Variants in CAPN13 observed in about 807,000 individuals in gnomAD.
CAPN13 encodes the protein calpain-13.
A neutral mutation model predicts 98.4 loss-of-function variants in CAPN13; 90 were observed. That is an observed-to-expected ratio of 0.92 (90% confidence interval 0.77 to 1.09). CAPN13 has a LOEUF of 1.09. Ranked by LOEUF, CAPN13 falls within the 50% of genes least tolerant of loss-of-function variation. CAPN13 has a pLI of 0.00. For missense variants in CAPN13, 887 were observed against 841.3 expected, an observed-to-expected ratio of 1.05 and a Z score of -0.67; for synonymous variants, 330 against 305.5, an observed-to-expected ratio of 1.08 and a Z score of -0.84.
At chr2:30,770,542 C>T (rs1401596867) in intron 4 of CAPN13, 93 bp from the exon 5 acceptor site, 1 of 1,451,658 alleles carries the variant, frequency 6.9e-7, no homozygotes, top group Non-Finnish European at 9.4e-7. Flanking sequence ...AACATGACCT[C>T]TACAATGCAA....
chr2:30,743,273 G>T, intron 13 of CAPN13, 110 bp downstream of exon 13: 2 of 984,410 alleles, frequency 2.0e-6, no homozygotes, highest in Non-Finnish European at 3.2e-6. Flanking sequence ...CATGTCCCCA[G>T]TGACATAGCA....
At chr2:30,727,616 T>C (rs1363894091) in intron 22 of CAPN13, among the ~76,000 whole-genome samples, 1 of 152,152 alleles carries the variant, frequency 6.6e-6, no homozygotes, top group African/African-American at 2.4e-5. Flanking sequence ...GAGATATCAC[T>C]TCACACTCCC....
At chr2:30,786,449 C>T (rs1012709199) in intron 2 of CAPN13, among the ~76,000 whole-genome samples, 3 of 152,044 alleles carry the variant, frequency 2.0e-5, no homozygotes, top group African/African-American at 7.3e-5. Flanking sequence ...ACTTGTCATG[C>T]CCTAAAATTA....
chr2:30,781,591 C>A (rs1471316867), intron 2 of CAPN13, among the ~76,000 whole-genome samples: 1 of 152,162 alleles, frequency 6.6e-6, no homozygotes, highest in Non-Finnish European at 1.5e-5. Flanking sequence ...CCTTTCTCTG[C>A]CTGACTCCTT....
chr2:30,800,132 G>GAAAAGAAAGAAAAGAAAGA (rs1279341369), intron 1 of CAPN13, among the ~76,000 whole-genome samples: 31 of 138,764 alleles, frequency 2.2e-4, no homozygotes, highest in African/African-American at 7.4e-4. Context: ...AAGAAAGAAA[G>GAAAAGAAAGAAAAGAAAGA]AAAGAAAGAA....
At chr2:30,731,153 T>G (rs960821778) in intron 21 of CAPN13, among the ~76,000 whole-genome samples, 191 bp downstream of exon 21, 16 of 152,122 alleles carry the variant, frequency 1.1e-4, no homozygotes, top group African/African-American at 3.9e-4. Flanking sequence ...AAAAATAAAA[T>G]CTGTCTGCCA....
chr2:30,788,809 C>T (rs557332888), intron 1 of CAPN13, among the ~76,000 whole-genome samples: 1 of 151,662 alleles, frequency 6.6e-6, no homozygotes, highest in East Asian at 1.9e-4. Flanking sequence ...AATTCATAGA[C>T]AGAATATCAC....
chr2:30,745,277 T>G (rs1305741174), intron 12 of CAPN13: 1 of 474,402 alleles, frequency 2.1e-6, no homozygotes. Context: ...TTTAGGAGGG[T>G]GGCAGTTTCT....
chr2:30,745,059 G>C (rs921301457), intron 12 of CAPN13, among the ~76,000 whole-genome samples: 1 of 152,106 alleles, frequency 6.6e-6, no homozygotes, highest in Non-Finnish European at 1.5e-5. Context: ...ATCACTCTTT[G>C]TTGTCTGTGG....
chr2:30,743,766 T>C (rs912788212), intron 12 of CAPN13, 187 bp from the exon 13 acceptor site: 3 of 699,588 alleles, frequency 4.3e-6, no homozygotes, highest in Non-Finnish European at 7.8e-6. Context: ...TCATTTCATC[T>C]AGACCCTGGA....
At chr2:30,759,443 A>C (rs1672709861) in intron 7 of CAPN13, among the ~76,000 whole-genome samples, 1 of 152,214 alleles carries the variant, frequency 6.6e-6, no homozygotes, top group African/African-American at 2.4e-5. Flanking sequence ...AGAGGAATTA[A>C]AATATGACTG....
In CAPN13 at chr2:30,775,850, C is replaced by T. The variant is rs932876991; in HGVS notation, c.387+80G>A. On this transcript the variant is annotated intron_variant, in intron 4 of 22. Transcript: ENST00000295055. ...ACTTTCATCTCAGGCTTCCCGGCCA[C>T]GAGAAAACTTAAGACTTTCACCTTC... The T allele has an allele frequency of 3.7e-5, 35 of 950,514 alleles. No homozygotes were observed. In the South Asian group the frequency reaches 4.5e-4, roughly 12 times the overall value. 58.9% of individuals were successfully genotyped at this position (950,514 alleles called of 1,614,324 possible).
chr2:30,749,031 C>T (rs1008715765), intron 11 of CAPN13, among the ~76,000 whole-genome samples: 2 of 152,114 alleles, frequency 1.3e-5, no homozygotes, highest in African/African-American at 2.4e-5. Context: ...ATCAAACACC[C>T]CTGTCACCTC....
chr2:30,761,433 C>A (rs1023248378), intron 7 of CAPN13, among the ~76,000 whole-genome samples: 1 of 152,178 alleles, frequency 6.6e-6, no homozygotes, highest in African/African-American at 2.4e-5. Flanking sequence ...CCCTTTGTCA[C>A]CCTAGGTGTT....
rs371257650 is a variant in CAPN13 at position 30,747,186 on chromosome 2, C to T, written c.1237-1452G>A. 1.2e-4 allele frequency among the ~76,000 whole-genome samples: 18 copies of T among 152,330 alleles called. No homozygotes were observed. In the East Asian group the frequency reaches 3.1e-3, roughly 26 times the overall value. On this transcript the variant is annotated intron_variant, in intron 11 of 22. Transcript: ENST00000295055. The stretch of plus-strand genomic sequence containing the variant: ...TGCAGTTCCATTGTAAGCCTCTCTA[C>T]GGTTTGCAAAGCACTTTTATGTAAT...
chr2:30,774,957 G>A (rs1673607614), intron 4 of CAPN13, among the ~76,000 whole-genome samples: 1 of 152,202 alleles, frequency 6.6e-6, no homozygotes. Flanking sequence ...CTGAAGTCAA[G>A]AGAAGGCAGG....
At chr2:30,768,770 C>A (rs573783421) in intron 5 of CAPN13, among the ~76,000 whole-genome samples, 1 of 151,512 alleles carries the variant, frequency 6.6e-6, no homozygotes, top group East Asian at 1.9e-4. Flanking sequence ...GAATGTGCAC[C>A]TTTTGTTTGT....
chr2:30,787,929 AC>A (rs1436040834), intron 1 of CAPN13, among the ~76,000 whole-genome samples: 4 of 152,178 alleles, frequency 2.6e-5, no homozygotes, highest in Admixed American at 2.0e-4. Context: ...CAATCTGGGG[AC>A]CAGAGAGAGG....
chr2:30,742,473 G>T (rs1009346425), intron 13 of CAPN13, 114 bp from the exon 14 acceptor site: 10 of 1,070,438 alleles, frequency 9.3e-6, no homozygotes, highest in African/African-American at 1.6e-5. Context: ...CCTGAATGGG[G>T]CACCCTCAGC....
Sources: gnomAD v4.1 joint callset for allele counts (sites outside exome capture counted in the v4.1 genomes callset) on GRCh38, gnomAD v4.1.1 for gene constraint, MANE v1.5 for transcripts, NCBI Gene and HGNC (gene_info 2026-07-23, HGNC 2026-07-21) for gene names.